The following CNTN6 variants were observed in gnomAD, a reference collection of about 807,000 sequenced individuals.
CNTN6 encodes the protein contactin-6.
A neutral mutation model predicts 122.8 loss-of-function variants in CNTN6; 137 were observed. The ratio of observed to expected loss-of-function variants is 1.12; its 90% CI spans 0.97 to 1.29. The LOEUF (loss-of-function observed/expected upper bound fraction) is 1.29, where lower values mean the gene tolerates loss of function less well. Ranked by LOEUF, CNTN6 falls within the 50% of genes most tolerant of loss-of-function variation. The pLI, the probability that CNTN6 is intolerant of heterozygous loss-of-function variation, is 0.00. For missense variants in CNTN6, 1,634 were observed against 1,223.4 expected (o/e 1.34, Z -5.01); for synonymous variants, 570 against 426.0 (o/e 1.34, Z -4.16).
At chr3:1,387,438 C>T (rs1338441667) in intron 20 of CNTN6, among the ~76,000 whole-genome samples, 1 of 152,182 alleles carries the variant, frequency 6.6e-6, no homozygotes, top group African/African-American at 2.4e-5. Flanking sequence ...AGTGGTTTAG[C>T]TTCTTTCAGC....
chr3:1,166,275 C>A (rs1434211110), intron 2 of CNTN6, among the ~76,000 whole-genome samples: 2 of 152,156 alleles, frequency 1.3e-5, no homozygotes, highest in African/African-American at 4.8e-5. Context: ...TTATAGATCC[C>A]ACATCTAGGA....
At chr3:1,190,137 C>G (rs1362397502) in intron 2 of CNTN6, among the ~76,000 whole-genome samples, 2 of 152,074 alleles carry the variant, frequency 1.3e-5, no homozygotes, top group African/African-American at 4.8e-5. Flanking sequence ...CCTCACATGG[C>G]CTTTCCTGTG....
At chr3:1,111,283 CA>C (rs2091468390) in intron 1 of CNTN6, among the ~76,000 whole-genome samples, 1 of 152,110 alleles carries the variant, frequency 6.6e-6, no homozygotes, top group East Asian at 1.9e-4. Flanking sequence ...ATATACAGTT[CA>C]AATTAGTAAC....
At chr3:1,293,388 T>C (rs909150076) in intron 5 of CNTN6, among the ~76,000 whole-genome samples, 1 of 152,274 alleles carries the variant, frequency 6.6e-6, no homozygotes, top group East Asian at 1.9e-4. Context: ...TTCAAGAGTT[T>C]GTCTCTATAG....
chr3:1,377,140 A>G (rs1709986351), intron 17 of CNTN6, 65 bp downstream of exon 17: 3 of 1,132,496 alleles, frequency 2.6e-6, no homozygotes, highest in Non-Finnish European at 3.9e-6. Flanking sequence ...AAGAAACTGA[A>G]AAACAAAAAG....
At chr3:1,138,048 T>C (rs949626594) in intron 1 of CNTN6, among the ~76,000 whole-genome samples, 72 of 152,212 alleles carry the variant, frequency 4.7e-4, no homozygotes, top group African/African-American at 1.6e-3. Context: ...CTAAACATAC[T>C]CATTTCTTTT....
In CNTN6 at chr3:1,128,777, T is replaced by TA. The variant is rs1553602652; in HGVS notation, c.-82-19143dup. On this transcript the variant is annotated intron_variant, in intron 1 of 22. Transcript: ENST00000446702. ...GTTAGCTGTTTGTTTCTAAAGTTTT[T>TA]AAAAAAATGACATTAGAACTTCCAA... Among the ~76,000 whole-genome samples, 72 of 151,918 alleles carry TA rather than the reference T, an allele frequency of 4.7e-4. 1 individual carries two copies. The highest frequency in any genetic ancestry group is 1.5e-3 in the African/African-American group (64 of 41,462).
At chr3:1,139,873 C>A (rs946451477) in intron 1 of CNTN6, among the ~76,000 whole-genome samples, 5 of 152,170 alleles carry the variant, frequency 3.3e-5, no homozygotes, top group African/African-American at 9.7e-5. Context: ...AACATGGCTG[C>A]TGGGATTGGC....
chr3:1,132,958 A>T (rs2092379124), intron 1 of CNTN6, among the ~76,000 whole-genome samples: 2 of 152,174 alleles, frequency 1.3e-5, no homozygotes, highest in Admixed American at 1.3e-4. Flanking sequence ...TTTTTCTATA[A>T]TATACCTGAA....
At chr3:1,402,547 C>G in intron 22 of CNTN6, 61 bp downstream of exon 22, 2 of 1,415,022 alleles carry the variant, frequency 1.4e-6, no homozygotes, top group Non-Finnish European at 1.9e-6. Context: ...GCATGAAATT[C>G]AGCTCCATGA....
chr3:1,166,184 TCA>T (rs1491164456), intron 2 of CNTN6, among the ~76,000 whole-genome samples: 1 of 152,194 alleles, frequency 6.6e-6, no homozygotes, highest in African/African-American at 2.4e-5. Context: ...AGGCATATAG[TCA>T]CAAATATGGG....
chr3:1,114,035 A>T (rs1179275012), intron 1 of CNTN6, among the ~76,000 whole-genome samples: 1 of 152,178 alleles, frequency 6.6e-6, no homozygotes, highest in East Asian at 1.9e-4. Flanking sequence ...GTATTACAGA[A>T]TTCAAAAGAG....
rs1450881662 is a variant in CNTN6, at chr3:1,278,517, G to A, written c.454+9G>A. The A allele has an allele frequency of 6.3e-7, 1 of 1,595,664 alleles. No homozygotes were observed. The highest frequency in any genetic ancestry group is 8.6e-7 in the Non-Finnish European group (1 of 1,165,394). ...ACCGCCACATTTTGGAGGTATGATGGGGTGATTTGGGTCATATCATCAATG... is the reference window on the plus strand; with the variant it reads ...ACCGCCACATTTTGGAGGTATGATGAGGTGATTTGGGTCATATCATCAATG... On this transcript the variant is annotated intron_variant, in intron 5 of 22. Transcript: ENST00000446702.
intron 1 of CNTN6, among the ~76,000 whole-genome samples, chr3:1,106,718 C>T (rs2091241502): frequency 6.6e-6 from 1 of 152,092 alleles, no homozygotes; most frequent in African/African-American, 2.4e-5. Context: ...GTAATGTTGG[C>T]TAGACGTCTA....
intron 2 of CNTN6, among the ~76,000 whole-genome samples, chr3:1,214,808 G>A (rs978704839): frequency 6.6e-6 from 1 of 152,148 alleles, no homozygotes; most frequent in African/African-American, 2.4e-5. Context: ...CCAGGCTATA[G>A]TACAGCAGTG....
Position 1,383,181 on chromosome 3 carries a change from G to A in CNTN6, c.2401+5G>A, listed in dbSNP as rs775281058. On this transcript the variant is annotated splice_donor_5th_base_variant and intron_variant, in intron 18 of 22. Coordinates refer to ENST00000446702, the MANE Select transcript of CNTN6 (RefSeq NM_001289080.2). ...TTGTCTACTCTGGGGAAGATGGTAAGTTGTCCTCAACTCTGGTTTTCTTTG... is the reference window on the plus strand; with the variant it reads ...TTGTCTACTCTGGGGAAGATGGTAAATTGTCCTCAACTCTGGTTTTCTTTG... The A allele has an allele frequency of 6.8e-6, 11 of 1,610,698 alleles. No homozygotes were observed. Among genetic ancestry groups the A allele is most frequent in the Non-Finnish European group, 9.3e-6 (11 of 1,177,172 alleles).
chr3:1,270,020 A>T (rs1346373403), intron 4 of CNTN6, among the ~76,000 whole-genome samples: 2 of 152,162 alleles, frequency 1.3e-5, no homozygotes, highest in Non-Finnish European at 2.9e-5. Flanking sequence ...ACCAGTTCTA[A>T]GATTTAGCTA....
At position 1,147,877 on chromosome 3, in the gene CNTN6, A is replaced by G. The variant is rs1434815862; in HGVS notation, c.-82-50A>G. 4 of 593,234 alleles carry G rather than the reference A, an allele frequency of 6.7e-6. No individual in the cohort carries two copies. In the East Asian group the frequency reaches 8.0e-5, roughly 12 times the overall value. The allele number at this position is 593,234 out of a possible 1,614,324, so 36.7% of individuals were successfully genotyped here. On this transcript the variant is annotated intron_variant, in intron 1 of 22. Coordinates refer to ENST00000446702, the MANE Select transcript of CNTN6 (RefSeq NM_001289080.2). ...ATGCAACAAAAATATGCTTATTAAA[A>G]TATTCGTGTTTGTACGTTTTTCATT...
rs1248539281 is a variant in CNTN6 at position 1,159,828 on chromosome 3, T to C, written c.55+11765T>C. Among the ~76,000 whole-genome samples, 4 of 151,624 alleles carry C rather than the reference T, an allele frequency of 2.6e-5. No individual in the cohort carries two copies. The East Asian group carries it at 5.8e-4, about 22-fold the overall frequency. ...TGTAATCATTCGTTTGTTTTTCTTTTTCCCCCCCTCAAGACAAAGTCTTGC... is the reference window on the plus strand; with the variant it reads ...TGTAATCATTCGTTTGTTTTTCTTTCTCCCCCCCTCAAGACAAAGTCTTGC... On this transcript the variant is annotated intron_variant, in intron 2 of 22. Transcript: ENST00000446702.
Sources: allele counts gnomAD v4.1 joint callset (sites outside exome capture counted in the v4.1 genomes callset), GRCh38; gene constraint gnomAD v4.1.1; transcripts MANE v1.5; gene names NCBI Gene and HGNC (gene_info 2026-07-23, HGNC 2026-07-21).